Variants in TAFA5 observed in about 807,000 individuals in gnomAD.
TAFA5 encodes TAFA chemokine like family member 5.
Under a neutral mutation model 15.3 loss-of-function variants are expected in TAFA5, and 6 were observed. That is an observed-to-expected ratio of 0.39 (90% confidence interval 0.21 to 0.77). The LOEUF (loss-of-function observed/expected upper bound fraction) is 0.77, where lower values mean the gene tolerates loss of function less well. Among genes scored for constraint, TAFA5 ranks in the 30% least tolerant of loss-of-function variants. TAFA5 has a pLI of 0.41. For synonymous variants in TAFA5, 103 were observed against 80.7 expected, an observed-to-expected ratio of 1.28 and a Z score of -1.48; for missense variants, 161 against 193.1, an observed-to-expected ratio of 0.83 and a Z score of 0.98.
At chr22:48,700,467 C>T (rs756934473) in intron 2 of TAFA5, among the ~76,000 whole-genome samples, 32 of 152,158 alleles carry the variant, frequency 2.1e-4, no homozygotes, top group Non-Finnish European at 4.0e-4. Context: ...AAAGAACGGT[C>T]TCAGGATCCA....
At chr22:48,655,477 G>A (rs1395651900) in intron 2 of TAFA5, among the ~76,000 whole-genome samples, 1 of 152,162 alleles carries the variant, frequency 6.6e-6, no homozygotes, top group African/African-American at 2.4e-5. Flanking sequence ...CTCCAGAGAG[G>A]CAGAACGCTC....
chr22:48,695,465 G>T (rs1186759651), intron 2 of TAFA5, among the ~76,000 whole-genome samples: 1 of 152,232 alleles, frequency 6.6e-6, no homozygotes, highest in Non-Finnish European at 1.5e-5. Flanking sequence ...ATGGAAATGA[G>T]GAAAGTTTAT....
chr22:48,675,584 C>T (rs1432100180), intron 2 of TAFA5, among the ~76,000 whole-genome samples: 2 of 152,260 alleles, frequency 1.3e-5, no homozygotes, highest in Admixed American at 6.5e-5. Flanking sequence ...CAGGACAGTC[C>T]TGGTGGCGGC....
intron 1 of TAFA5, among the ~76,000 whole-genome samples, chr22:48,585,083 C>A (rs1270878998): frequency 6.8e-6 from 1 of 146,844 alleles, no homozygotes; most frequent in Non-Finnish European, 1.5e-5. Flanking sequence ...GCATACACTA[C>A]ACACACAGCA....
chr22:48,523,964 A>G (rs1444384552), intron 1 of TAFA5, among the ~76,000 whole-genome samples: 1 of 152,192 alleles, frequency 6.6e-6, no homozygotes, highest in Non-Finnish European at 1.5e-5. Context: ...TGAGGTGCCC[A>G]CAGCTACCAC....
intron 1 of TAFA5, among the ~76,000 whole-genome samples, chr22:48,637,560 T>C (rs946727126): frequency 9.2e-5 from 14 of 152,186 alleles, no homozygotes; most frequent in African/African-American, 3.4e-4. Context: ...CAAAGTGCCT[T>C]TACCCCTGTG....
rs377725335 is a variant in TAFA5, at chr22:48,489,881, C to G, written c.112+177C>G. Among the ~76,000 whole-genome samples the G allele has an allele frequency of 1.1e-3, 162 of 151,890 alleles. 5 individuals carry two copies. The South Asian group carries it at 0.032, about 30-fold the overall frequency. Reference sequence around the variant, plus strand: ...TGCGCTGGGCGGGCGAGAGGGTCCACCCGGGTTCCGGGCGCTCGAGCACTT... The same window carrying G: ...TGCGCTGGGCGGGCGAGAGGGTCCAGCCGGGTTCCGGGCGCTCGAGCACTT... On this transcript the variant is annotated intron_variant, in intron 1 of 3. Transcript: ENST00000402357. This position sits in a 1 kb window ranked among gnomAD's most constrained non-coding sequence, Gnocchi z 5.5.
At chr22:48,510,279 T>C (rs1315979172) in intron 1 of TAFA5, among the ~76,000 whole-genome samples, 1 of 152,162 alleles carries the variant, frequency 6.6e-6, no homozygotes, top group African/African-American at 2.4e-5. Flanking sequence ...GGCGAGAATA[T>C]TTGCGGGTTC....
chr22:48,721,523 A>G (rs547571545), intron 3 of TAFA5, among the ~76,000 whole-genome samples: 7 of 152,312 alleles, frequency 4.6e-5, no homozygotes, highest in Non-Finnish European at 7.4e-5. Context: ...TTTTTCTCCT[A>G]TTGGTTGGCA....
intron 1 of TAFA5, among the ~76,000 whole-genome samples, chr22:48,580,798 T>G (rs1010097382): frequency 6.6e-6 from 1 of 152,162 alleles, no homozygotes; most frequent in African/African-American, 2.4e-5. Context: ...GCTGCTCATT[T>G]CTCCCTGAGT....
At chr22:48,746,023 C>T (rs1172553619) in intron 3 of TAFA5, among the ~76,000 whole-genome samples, 2 of 152,284 alleles carry the variant, frequency 1.3e-5, no homozygotes, top group South Asian at 4.1e-4. Flanking sequence ...GATGCAGCCT[C>T]CAGGAGACAG....
At chr22:48,732,664 C>T (rs1369448655) in intron 3 of TAFA5, among the ~76,000 whole-genome samples, 6 of 152,182 alleles carry the variant, frequency 3.9e-5, no homozygotes, top group Admixed American at 2.0e-4. Flanking sequence ...GACAGTGCAG[C>T]GGCAGGTGTG....
At chr22:48,707,093 C>A (rs780475790) in intron 2 of TAFA5, among the ~76,000 whole-genome samples, 3 of 152,226 alleles carry the variant, frequency 2.0e-5, no homozygotes, top group Non-Finnish European at 4.4e-5. Context: ...GGACTCACAT[C>A]CTTTAATCTT....
Position 48,590,163 on chromosome 22 carries a change from C to T in TAFA5, c.113-56434C>T, listed in dbSNP as rs140758334. On this transcript the variant is annotated intron_variant, in intron 1 of 3. Coordinates refer to ENST00000402357, the MANE Select transcript of TAFA5 (RefSeq NM_001082967.3). ...AAGGGGAAGATCCGGATTCCCATCC[C>T]GGAGGTGGAATGCCACGGAGGCGAG... is the stretch of plus-strand genomic sequence containing the variant. Among the ~76,000 whole-genome samples the T allele has an allele frequency of 1.6e-3, 236 of 152,214 alleles. 3 individuals are homozygous for T. The highest frequency in any genetic ancestry group is 5.2e-3 in the African/African-American group (216 of 41,538).
rs1314709509 is a variant in TAFA5, at chr22:48,638,933, A to C, written c.113-7664A>C. Among the ~76,000 whole-genome samples the C allele has an allele frequency of 5.6e-4, 10 of 17,726 alleles. 3 individuals are homozygous for C. The highest frequency in any genetic ancestry group is 0.056 in the East Asian group (2 of 36). The allele number at this position is 17,726 out of a possible 152,430, so 11.6% of individuals were successfully genotyped here. A position where few individuals can be genotyped will look rare whatever the true frequency, so the allele number is the denominator to read the frequency against. ...GACACTAAGCCCTGGGTCACCGCAC[A>C]CGGGGGGACCCCGACACTAAGCCCT... On this transcript the variant is annotated intron_variant, in intron 1 of 3. Transcript: ENST00000402357.
rs114955103 is a variant in TAFA5, at chr22:48,599,620, G to A, written c.113-46977G>A. 3.8e-3 allele frequency among the ~76,000 whole-genome samples: 586 copies of A among 152,348 alleles called. 6 individuals are homozygous for A. Among genetic ancestry groups the A allele is most frequent in the African/African-American group, 0.013 (558 of 41,580 alleles). On this transcript the variant is annotated intron_variant, in intron 1 of 3. Coordinates refer to ENST00000402357, the MANE Select transcript of TAFA5 (RefSeq NM_001082967.3). ...CCTGGACCCTGTGCGTGCCAGGAGC[G>A]GGATGCATTTGCAGGGGCCACCTCC...
chr22:48,741,312 G>T (rs1264447340), intron 3 of TAFA5, among the ~76,000 whole-genome samples: 1 of 152,186 alleles, frequency 6.6e-6, no homozygotes, highest in Non-Finnish European at 1.5e-5. Flanking sequence ...TGCAAAGCTG[G>T]AACCGTCCTC....
chr22:48,745,099 G>A (rs143642547), intron 3 of TAFA5, among the ~76,000 whole-genome samples: 104 of 152,334 alleles, frequency 6.8e-4, no homozygotes, highest in African/African-American at 2.3e-3. Context: ...GCCTGTGAGG[G>A]TGTCTCAGCA....
At chr22:48,612,850 T>A (rs1005256856) in intron 1 of TAFA5, among the ~76,000 whole-genome samples, 1 of 151,620 alleles carries the variant, frequency 6.6e-6, no homozygotes, top group Non-Finnish European at 1.5e-5. Context: ...TGAGAGGGGG[T>A]TTCTGACAGG....
Sources: gnomAD v4.1 joint callset for allele counts (sites outside exome capture counted in the v4.1 genomes callset) on GRCh38, gnomAD v4.1.1 for gene constraint, Gnocchi (gnomAD v3.1) non-coding constraint, MANE v1.5 for transcripts, NCBI Gene and HGNC (gene_info 2026-07-23, HGNC 2026-07-21) for gene names.